Variants in UTP20 observed in about 807,000 individuals in gnomAD.
UTP20 encodes UTP20 small subunit processome component, also known as small subunit processome component 20 homolog.
Under a neutral mutation model 329.5 loss-of-function variants are expected in UTP20, and 164 were observed. The observed-to-expected ratio is 0.50, with a 90% CI of 0.44 to 0.57. UTP20 has a LOEUF of 0.57. UTP20 is among the 20% of genes least tolerant of loss of function. The probability of loss-of-function intolerance (pLI) is 0.00; values close to 1 mark genes in which losing one functional copy is unlikely to be tolerated. For synonymous variants in UTP20, 1,151 were observed against 1,159.3 expected (o/e 0.99, Z 0.14); for missense variants, 3,055 against 3,284.2 (o/e 0.93, Z 1.71).
intron 15 of UTP20, 94 bp downstream of exon 15, chr12:101,302,647 C>T (rs1872550961): frequency 2.7e-6 from 2 of 754,260 alleles, no homozygotes; most frequent in South Asian, 4.0e-5. Flanking sequence ...TCCCTTTGAT[C>T]TATTTTATAC....
Position 101,309,845 on chromosome 12 carries a change from C to T in UTP20, c.2231+6C>T. 1 of 1,611,220 alleles carries T rather than the reference C, an allele frequency of 6.2e-7. No homozygotes were observed. Among genetic ancestry groups the T allele is most frequent in the Non-Finnish European group, 8.5e-7 (1 of 1,178,024 alleles). ...CCTGTTATTGAACTCATAAGGTAAACATGGGTTAAATGGGATGAAACTATT... is the reference window on the plus strand; with the variant it reads ...CCTGTTATTGAACTCATAAGGTAAATATGGGTTAAATGGGATGAAACTATT... On this transcript the variant is annotated splice_donor_region_variant and intron_variant, in intron 19 of 61. Transcript: ENST00000261637.
At chr12:101,372,478 T>C (rs1870325785) in intron 51 of UTP20, among the ~76,000 whole-genome samples, 1 of 152,262 alleles carries the variant, frequency 6.6e-6, no homozygotes, top group African/African-American at 2.4e-5. Flanking sequence ...CATTAGTTAT[T>C]ATTATCAGTA....
intron 21 of UTP20, among the ~76,000 whole-genome samples, chr12:101,314,221 C>T (rs1369441925): frequency 1.3e-5 from 2 of 152,202 alleles, no homozygotes; most frequent in Non-Finnish European, 2.9e-5. Context: ...CGGCAGTAAA[C>T]AGTTGACTCA....
rs774216608 is a variant in UTP20 at position 101,346,403 on chromosome 12, G to A, written c.4747-48G>A. 5.2e-6 allele frequency: 8 copies of A among 1,539,284 alleles called. No homozygotes were observed. In the East Asian group the frequency reaches 1.8e-4, roughly 36 times the overall value. ...ATACGATACTAAAATGGAGCTGGTT[G>A]TAGGTGAGATTATTCGGTAACTAAT... On this transcript the variant is annotated intron_variant, in intron 37 of 61. Coordinates refer to ENST00000261637, the MANE Select transcript of UTP20 (RefSeq NM_014503.3).
At chr12:101,281,845 C>A (rs895735422) in intron 2 of UTP20, among the ~76,000 whole-genome samples, 1 of 152,062 alleles carries the variant, frequency 6.6e-6, no homozygotes, top group Non-Finnish European at 1.5e-5. Context: ...GCTGGGATTA[C>A]AGGTACGTGC....
intron 38 of UTP20, 148 bp from the exon 39 acceptor site, chr12:101,351,907 G>A: frequency 1.1e-6 from 1 of 876,586 alleles, no homozygotes; most frequent in East Asian, 2.6e-5. Context: ...GTTTTCCTGG[G>A]GTTAGAGGGA....
chr12:101,351,567 A>G (rs1277618701), intron 38 of UTP20, among the ~76,000 whole-genome samples: 1 of 139,990 alleles, frequency 7.1e-6, no homozygotes, highest in South Asian at 2.2e-4. Context: ...TGCAGGGTAC[A>G]TGTGCAGGAT....
intron 27 of UTP20, among the ~76,000 whole-genome samples, chr12:101,331,579 T>A (rs1234281899): frequency 2.0e-5 from 3 of 152,176 alleles, no homozygotes; most frequent in African/African-American, 7.2e-5. Flanking sequence ...ACTAATGACA[T>A]CCTTGTTCAT....
chr12:101,337,574 G>A (rs1188715828), intron 29 of UTP20, among the ~76,000 whole-genome samples: 4 of 152,160 alleles, frequency 2.6e-5, no homozygotes, highest in African/African-American at 4.8e-5. Context: ...ATCAATAAAC[G>A]TTTGTTTGGT....
At chr12:101,367,786 C>A in intron 47 of UTP20, 74 bp from the exon 48 acceptor site, 4 of 887,900 alleles carry the variant, frequency 4.5e-6, no homozygotes, top group South Asian at 1.5e-5. Flanking sequence ...TTTCTCTGAA[C>A]ATCATTTCAC....
At position 101,327,201 on chromosome 12, in the gene UTP20, G is replaced by C. The variant is rs765087996; in HGVS notation, c.3162G>C (p.Gln1054His). ...CCGGGACCCAACCTGAGGAGATCCA[G>C]ATATTCTTAGACCTGCTGTTTGAAC... ...FLAGTQPEEI[Q>H]IFLDLLFEPV... The change falls in exon 26 of 62, where the codon CAG (glutamine) becomes CAC (histidine). Residue 1054 changes from glutamine to histidine, a missense_variant. Physicochemically the swap from Gln to His is conservative, Grantham distance 24. This residue lies in a region of UTP20 where 2,445 missense variants were observed against 2,575.5 expected (regional missense o/e 0.95). Coordinates refer to ENST00000261637, the MANE Select transcript of UTP20 (RefSeq NM_014503.3). 2 of 1,611,356 alleles carry C rather than the reference G, an allele frequency of 1.2e-6. No homozygotes were observed. Among genetic ancestry groups the C allele is most frequent in the Non-Finnish European group, 1.7e-6 (2 of 1,177,868 alleles).
At chr12:101,309,742 A>T in intron 18 of UTP20, 21 bp from the exon 19 acceptor site, 1 of 1,609,074 alleles carries the variant, frequency 6.2e-7, no homozygotes, top group Non-Finnish European at 8.5e-7. Flanking sequence ...CCAATACTAA[A>T]CTAGTCTTTT....
At chr12:101,327,332 G>A (rs1438488313) in intron 26 of UTP20, 85 bp downstream of exon 26, 10 of 1,340,552 alleles carry the variant, frequency 7.5e-6, no homozygotes, top group Admixed American at 2.6e-5. Context: ...ATGCTCCTGG[G>A]CGTCTTTCTA....
intron 29 of UTP20, among the ~76,000 whole-genome samples, chr12:101,337,075 G>T (rs1189381581): frequency 1.3e-5 from 2 of 152,224 alleles, no homozygotes; most frequent in Non-Finnish European, 2.9e-5. Context: ...GCACCACTGT[G>T]CGTTCTTTTG....
At chr12:101,359,599 C>A (rs1027112758) in intron 43 of UTP20, among the ~76,000 whole-genome samples, 4 of 151,976 alleles carry the variant, frequency 2.6e-5, no homozygotes, top group African/African-American at 9.7e-5. Flanking sequence ...TCTTTCATAT[C>A]TTTCTGCAAT....
intron 54 of UTP20, among the ~76,000 whole-genome samples, chr12:101,374,411 A>C (rs1156277124): frequency 1.3e-5 from 2 of 151,894 alleles, no homozygotes; most frequent in African/African-American, 4.9e-5. Context: ...ATTTTTATCC[A>C]CTTGGTACCT....
chr12:101,321,958 A>T (rs1868382675), intron 25 of UTP20, among the ~76,000 whole-genome samples: 1 of 146,364 alleles, frequency 6.8e-6, no homozygotes, highest in East Asian at 2.0e-4. Flanking sequence ...TGGTATAGAG[A>T]CTAAATTTTG....
intron 40 of UTP20, 40 bp downstream of exon 40, chr12:101,353,169 A>G (rs75139750): frequency 0.023 from 32,214 of 1,386,560 alleles, 533 homozygotes; most frequent in Non-Finnish European, 0.026. Context: ...TTTTCATCTT[A>G]TTCTTGGATA....
At chr12:101,351,341 G>T (rs1049359813) in intron 38 of UTP20, among the ~76,000 whole-genome samples, 43 of 152,030 alleles carry the variant, frequency 2.8e-4, no homozygotes, top group Admixed American at 6.6e-4. Context: ...TGGTCAGGCT[G>T]GTCTTGAACT....
Sources: allele counts gnomAD v4.1 joint callset (sites outside exome capture counted in the v4.1 genomes callset), GRCh38; gene constraint gnomAD v4.1.1; regional missense constraint gnomAD v4.1.1; transcripts MANE v1.5; gene names NCBI Gene and HGNC (gene_info 2026-07-23, HGNC 2026-07-21).